POLQ: variants seen among roughly 807,000 people sequenced by gnomAD.
The protein encoded by POLQ is epididymis secretory sperm binding protein.
A neutral mutation model predicts 259.2 loss-of-function variants in POLQ; 233 were observed. The ratio of observed to expected loss-of-function variants is 0.90; its 90% CI spans 0.81 to 1.00. The LOEUF (loss-of-function observed/expected upper bound fraction) is 1.00. Ranked by LOEUF, POLQ falls within the 50% of genes least tolerant of loss-of-function variation. The pLI, the probability that POLQ is intolerant of heterozygous loss-of-function variation, is 0.00. For missense variants in POLQ, 2,871 were observed against 3,051.6 expected (o/e 0.94, Z 1.39); for synonymous variants, 1,025 against 1,048.8 (o/e 0.98, Z 0.44).
In POLQ at chr3:121,493,495, A is replaced by G. The variant is rs1468286283; in HGVS notation, c.2505T>C (p.Asn835=). The G allele has an allele frequency of 6.2e-7, 1 of 1,613,312 alleles. No individual in the cohort carries two copies. Among genetic ancestry groups the G allele is most frequent in the East Asian group, 2.2e-5 (1 of 44,874 alleles). The part of the protein sequence containing the change: ...NIVEVEVILK[N]AVPFKSARKA... ...TTTCTTACCTTTTGAAAGGCACAGC[A>G]TTTTTCAGAATCACCTCCACCTCCA... The change falls in exon 15 of 30, where the codon AAT becomes AAC. Residue 835 remains asparagine (N), a synonymous_variant. Transcript: ENST00000264233.
intron 25 of POLQ, among the ~76,000 whole-genome samples, chr3:121,456,422 A>C (rs2047737750): frequency 6.6e-5 from 10 of 152,146 alleles, no homozygotes; most frequent in Admixed American, 6.5e-4. Context: ...GTATTCAATT[A>C]GGAAAAGAGG....
chr3:121,433,095 T>A (rs1425618822), intron 28 of POLQ, 62 bp from the exon 29 acceptor site: 36 of 879,748 alleles, frequency 4.1e-5, no homozygotes, highest in South Asian at 3.4e-4. Context: ...AGAATGTTTT[T>A]AGAGATTCTG....
At chr3:121,463,917 T>C (rs1243731800) in intron 24 of POLQ, among the ~76,000 whole-genome samples, 1 of 152,206 alleles carries the variant, frequency 6.6e-6, no homozygotes, top group Non-Finnish European at 1.5e-5. Flanking sequence ...GTACAAATGC[T>C]GAGTCATCAC....
intron 5 of POLQ, among the ~76,000 whole-genome samples, chr3:121,536,286 G>A (rs1219375684): frequency 6.6e-6 from 1 of 152,034 alleles, no homozygotes. Flanking sequence ...TGCAGAGAAG[G>A]GAGAAGATTG....
In POLQ at chr3:121,487,965, C is replaced by T; in HGVS notation, c.4966G>A (p.Glu1656Lys). Reference protein sequence around the residue: ...LDKVSSPLENEKLKSMTINFS... With the variant: ...LDKVSSPLENKKLKSMTINFS... ...TTTATAGTCATTGATTTTAGCTTTTCATTTTCTAGAGGACTGGATACTTTA... is the reference window on the plus strand; with the variant it reads ...TTTATAGTCATTGATTTTAGCTTTTTATTTTCTAGAGGACTGGATACTTTA... Residue 1656 changes from glutamate (E) to lysine (K), a missense_variant, in exon 16 of 30, where the codon GAA becomes AAA. Glu to Lys is a moderately conservative substitution (Grantham distance 56). Coordinates refer to ENST00000264233, the MANE Select transcript of POLQ (RefSeq NM_199420.4). The T allele has an allele frequency of 6.2e-7, 1 of 1,605,234 alleles. No individual in the cohort carries two copies. The highest frequency in any genetic ancestry group is 2.2e-5 in the East Asian group (1 of 44,828).
In POLQ at chr3:121,511,952, G is replaced by A. The variant is rs34624267; in HGVS notation, c.1546C>T (p.Arg516Cys). The A allele has an allele frequency of 1.7e-3, 2,814 of 1,613,396 alleles. 47 individuals are homozygous for A. In the African/African-American group the frequency reaches 0.032, roughly 19 times the overall value. The change falls in exon 10 of 30, where the codon CGC becomes TGC. Residue 516 changes from arginine to cysteine, a missense_variant. Coordinates refer to ENST00000264233, the MANE Select transcript of POLQ (RefSeq NM_199420.4). ...ALLQGSLKPV[R>C]SCLQRREGEE... ...CCTTCTCGTCTTTGCAGACAGCTGCGAACAGGCTTTAGAGAACCCTGAAGG... is the reference window on the plus strand; with the variant it reads ...CCTTCTCGTCTTTGCAGACAGCTGCAAACAGGCTTTAGAGAACCCTGAAGG...
At chr3:121,494,490 TC>T in intron 14 of POLQ, 1 of 1,488,500 alleles carries the variant, frequency 6.7e-7, no homozygotes, top group Non-Finnish European at 9.3e-7. Context: ...AGAGGGGACG[TC>T]CCCACCAAGA....
intron 7 of POLQ, among the ~76,000 whole-genome samples, chr3:121,526,871 CTG>C (rs1553822312): frequency 1.4e-5 from 2 of 145,232 alleles, no homozygotes; most frequent in African/African-American, 2.7e-5. Flanking sequence ...GTGTGTGTCT[CTG>C]TATGTGTGTG....
At chr3:121,528,939 G>A (rs1014016083) in intron 7 of POLQ, among the ~76,000 whole-genome samples, 1 of 152,030 alleles carries the variant, frequency 6.6e-6, no homozygotes, top group Non-Finnish European at 1.5e-5. Context: ...GCGACCGTGC[G>A]AGACTCTGTC....
chr3:121,496,319 G>A (rs1206700981), intron 14 of POLQ, among the ~76,000 whole-genome samples: 1 of 151,772 alleles, frequency 6.6e-6, no homozygotes, highest in Non-Finnish European at 1.5e-5. Flanking sequence ...GGGATTATAA[G>A]CGCCCACCGC....
At chr3:121,515,443 C>CT (rs1444476582) in intron 9 of POLQ, among the ~76,000 whole-genome samples, 1 of 152,218 alleles carries the variant, frequency 6.6e-6, no homozygotes, top group Non-Finnish European at 1.5e-5. Flanking sequence ...GGGGTACCAT[C>CT]TGGCCAAGGA....
intron 26 of POLQ, among the ~76,000 whole-genome samples, chr3:121,441,507 C>T (rs1464440121): frequency 6.6e-6 from 1 of 152,176 alleles, no homozygotes; most frequent in Non-Finnish European, 1.5e-5. Flanking sequence ...TTTGTGTCTG[C>T]CTTCTTTTGC....
Position 121,522,128 on chromosome 3 carries a change from C to A in POLQ, c.1130G>T (p.Cys377Phe). ...TTTTTGTTCCAGAATTACTGGTGGG[C>A]ATTCAGAGGGTTTCACCAATCCTGT... Reference protein sequence around the residue: ...QAEGLVKPSECPPVILEQKEL... With the variant: ...QAEGLVKPSEFPPVILEQKEL... The change falls in exon 8 of 30, where the codon TGC becomes TTC. Residue 377 changes from cysteine (C) to phenylalanine (F), a missense_variant. Cys to Phe is a radical substitution (Grantham distance 205). This residue lies in a region of POLQ where 783 missense variants were observed against 906.2 expected (regional missense o/e 0.86). Coordinates refer to ENST00000264233, the MANE Select transcript of POLQ (RefSeq NM_199420.4). The A allele has an allele frequency of 6.2e-7, 1 of 1,604,270 alleles. No individual in the cohort carries two copies. Among genetic ancestry groups the A allele is most frequent in the Non-Finnish European group, 8.5e-7 (1 of 1,177,450 alleles).
chr3:121,460,104 C>T lies in POLQ; in HGVS notation c.7098G>A (p.Trp2366Ter). 1 of 1,614,096 alleles carries T rather than the reference C, an allele frequency of 6.2e-7. No homozygotes were observed. Among genetic ancestry groups the T allele is most frequent in the Non-Finnish European group, 8.5e-7 (1 of 1,179,966 alleles). Residue 2366 changes from tryptophan (W) to a stop codon, truncating the protein, a stop_gained, in exon 25 of 30, where the codon TGG becomes TGA. Coordinates refer to ENST00000264233, the MANE Select transcript of POLQ (RefSeq NM_199420.4). LOFTEE classifies it high-confidence loss of function. ...CAACAGACTCTGGCTCAATCATCTT[C>T]CACTCTGCTGCAATGCTCCTGAAAA... is the stretch of plus-strand genomic sequence containing the variant. ...ADVFRSIAAEWKMIEPESVGD... is the reference protein window; with the variant it reads ...ADVFRSIAAE
chr3:121,462,352 A>G (rs548502845), intron 24 of POLQ, among the ~76,000 whole-genome samples: 2 of 152,290 alleles, frequency 1.3e-5, no homozygotes, highest in African/African-American at 4.8e-5. Context: ...GAGCCACACA[A>G]AGGTCTCAGG....
intron 7 of POLQ, among the ~76,000 whole-genome samples, chr3:121,528,366 G>A (rs2048387383): frequency 6.9e-6 from 1 of 145,952 alleles, no homozygotes; most frequent in Non-Finnish European, 1.5e-5. Flanking sequence ...TTTTTGAGAT[G>A]GAGTTTCGCT....
chr3:121,435,714 T>A (rs1019668294), intron 28 of POLQ, among the ~76,000 whole-genome samples: 2 of 152,168 alleles, frequency 1.3e-5, no homozygotes, highest in Non-Finnish European at 2.9e-5. Context: ...ACAGATTGAA[T>A]ACAGAAGCAG....
At chr3:121,494,864 C>G in intron 14 of POLQ, 1 of 1,584,756 alleles carries the variant, frequency 6.3e-7, no homozygotes, top group Non-Finnish European at 8.6e-7. Context: ...TATCACCAAG[C>G]TCGAAAAGGC....
intron 4 of POLQ, among the ~76,000 whole-genome samples, chr3:121,538,901 G>A (rs2048469214): frequency 6.6e-6 from 1 of 151,942 alleles, no homozygotes; most frequent in Non-Finnish European, 1.5e-5. Flanking sequence ...TTCTATTCCT[G>A]TTGCTACCTC....
Sources: gnomAD v4.1 joint callset for allele counts (sites outside exome capture counted in the v4.1 genomes callset) on GRCh38, gnomAD v4.1.1 for gene constraint, gnomAD v4.1.1 regional missense constraint, MANE v1.5 for transcripts, NCBI Gene and HGNC (gene_info 2026-07-23, HGNC 2026-07-21) for gene names.